The following RPH3A variants were observed in gnomAD, a reference collection of about 807,000 sequenced individuals.
RPH3A encodes rabphilin 3A, also known as rabphilin-3A.
Under a neutral mutation model 102.2 loss-of-function variants are expected in RPH3A, and 48 were observed. That is an observed-to-expected ratio of 0.47 (90% CI 0.37 to 0.60). RPH3A has a LOEUF of 0.60. RPH3A is among the 20% of genes least tolerant of loss of function. The pLI, the probability that RPH3A is intolerant of heterozygous loss-of-function variation, is 0.00. For missense variants in RPH3A, 781 were observed against 910.1 expected, an observed-to-expected ratio of 0.86 and a Z score of 1.83; for synonymous variants, 310 against 324.3, an observed-to-expected ratio of 0.96 and a Z score of 0.47.
chr12:112,848,418 C>T (rs1218982544), intron 5 of RPH3A, among the ~76,000 whole-genome samples: 1 of 152,180 alleles, frequency 6.6e-6, no homozygotes, highest in Admixed American at 6.5e-5. Flanking sequence ...CAGAGGTTAA[C>T]CTGATGGGTC....
In RPH3A at chr12:112,865,498, G is replaced by A; in HGVS notation, c.315G>A (p.Leu105=). ...VNRCILCGEQ[L]GMLGSACVVC... ...GCTGCATACTGTGTGGAGAACAGCT[G>A]GGGATGCTGGGCTCTGCCTGTGTAG... The change falls in exon 6 of 22, where the codon CTG becomes CTA. Residue 105 remains leucine (L), a synonymous_variant. Transcript: ENST00000389385. 2.5e-6 allele frequency: 4 copies of A among 1,614,050 alleles called. No individual in the cohort carries two copies. The highest frequency in any genetic ancestry group is 3.4e-6 in the Non-Finnish European group (4 of 1,180,006).
intron 1 of RPH3A, among the ~76,000 whole-genome samples, chr12:112,621,449 A>G (rs2039723694): frequency 1.3e-5 from 2 of 148,204 alleles, no homozygotes; most frequent in East Asian, 2.0e-4. Flanking sequence ...GGGGTGACGG[A>G]CGCACCTGGA....
chr12:112,633,699 T>C (rs1342695743), intron 1 of RPH3A, among the ~76,000 whole-genome samples: 1 of 152,250 alleles, frequency 6.6e-6, no homozygotes, highest in Non-Finnish European at 1.5e-5. Context: ...TATTCTGTTA[T>C]AAGCAACAGA....
At chr12:112,841,827 G>T in intron 4 of RPH3A, 2 of 424,498 alleles carry the variant, frequency 4.7e-6, no homozygotes, top group East Asian at 1.4e-4. Flanking sequence ...GTTTCTGAAA[G>T]TTCATCTTCT....
intron 1 of RPH3A, among the ~76,000 whole-genome samples, chr12:112,737,484 A>G (rs1466849437): frequency 1.3e-5 from 2 of 152,192 alleles, no homozygotes; most frequent in Admixed American, 1.3e-4. Flanking sequence ...CTTGAATGAT[A>G]GCTCCCAAAT....
intron 1 of RPH3A, among the ~76,000 whole-genome samples, chr12:112,730,382 T>C (rs1032492402): frequency 6.6e-6 from 1 of 152,238 alleles, no homozygotes; most frequent in Non-Finnish European, 1.5e-5. Context: ...TAGCCTCAGC[T>C]GCAGAAAGCC....
At chr12:112,671,649 A>G (rs2040130931) in intron 1 of RPH3A, among the ~76,000 whole-genome samples, 1 of 152,174 alleles carries the variant, frequency 6.6e-6, no homozygotes, top group African/African-American at 2.4e-5. Flanking sequence ...TATGTTCCCT[A>G]TTGTAATTTC....
intron 1 of RPH3A, among the ~76,000 whole-genome samples, chr12:112,782,932 G>A (rs1240172624): frequency 6.6e-6 from 1 of 152,168 alleles, no homozygotes; most frequent in Non-Finnish European, 1.5e-5. Context: ...AGTCTCATGG[G>A]TCACACAGTA....
At chr12:112,772,694 C>T (rs1422006614) in intron 1 of RPH3A, among the ~76,000 whole-genome samples, 1 of 151,806 alleles carries the variant, frequency 6.6e-6, no homozygotes, top group Non-Finnish European at 1.5e-5. Flanking sequence ...GGGCATCATT[C>T]TCTTAGGCTT....
chr12:112,632,064 G>A (rs2039810826), intron 1 of RPH3A, among the ~76,000 whole-genome samples: 1 of 152,128 alleles, frequency 6.6e-6, no homozygotes, highest in Admixed American at 6.5e-5. Flanking sequence ...TTCCTGCACT[G>A]TTCTTATGAT....
intron 1 of RPH3A, among the ~76,000 whole-genome samples, chr12:112,619,130 T>C (rs2039702308): frequency 6.6e-6 from 1 of 152,180 alleles, no homozygotes; most frequent in Admixed American, 6.5e-5. Flanking sequence ...TTGTTTCTAC[T>C]TTTTGGCTAT....
At chr12:112,615,144 T>G (rs1281701218) in intron 1 of RPH3A, among the ~76,000 whole-genome samples, 3 of 152,176 alleles carry the variant, frequency 2.0e-5, no homozygotes, top group African/African-American at 7.2e-5. Context: ...ATCTGGCACA[T>G]AGTAGGTGCT....
At chr12:112,685,542 G>T (rs1566258357) in intron 1 of RPH3A, among the ~76,000 whole-genome samples, 1 of 152,184 alleles carries the variant, frequency 6.6e-6, no homozygotes, top group Non-Finnish European at 1.5e-5. Flanking sequence ...TTCTGCACAT[G>T]TTATTATTCA....
chr12:112,723,003 ACTAT>A (rs756756919), intron 1 of RPH3A, among the ~76,000 whole-genome samples: 1 of 152,244 alleles, frequency 6.6e-6, no homozygotes, highest in Non-Finnish European at 1.5e-5. Context: ...TAAGAGAAGA[ACTAT>A]GAGGATCAGT....
chr12:112,866,969 T>C (rs2042622411), intron 7 of RPH3A, 129 bp downstream of exon 7: 3 of 650,456 alleles, frequency 4.6e-6, no homozygotes, highest in South Asian at 1.9e-5. Flanking sequence ...CCTCAGAGTA[T>C]TTGGATGAAT....
intron 1 of RPH3A, among the ~76,000 whole-genome samples, chr12:112,763,325 A>G (rs2040866978): frequency 6.6e-6 from 1 of 152,250 alleles, no homozygotes; most frequent in Admixed American, 6.5e-5. Flanking sequence ...ATGAGTGACC[A>G]ATGTCCCATG....
intron 16 of RPH3A, among the ~76,000 whole-genome samples, chr12:112,886,513 A>T (rs1036875820): frequency 9.9e-5 from 15 of 151,884 alleles, no homozygotes; most frequent in African/African-American, 3.6e-4. Context: ...CAGGAGGCGG[A>T]GCTGAAGTGG....
intron 19 of RPH3A, chr12:112,893,617 T>C (rs1356000670): frequency 6.6e-6 from 1 of 152,308 alleles, no homozygotes; most frequent in Non-Finnish European, 1.5e-5. Context: ...AGCCTCGAAC[T>C]CTGGGGCTCA....
rs565218135 is a variant in RPH3A at position 112,896,879 on chromosome 12, C to G, written c.*99C>G. 3.7e-5 allele frequency: 51 copies of G among 1,361,346 alleles called. No homozygotes were observed. Among genetic ancestry groups the G allele is most frequent in the Non-Finnish European group, 5.1e-5 (50 of 982,602 alleles). 84.3% of individuals were successfully genotyped at this position (1,361,346 alleles called of 1,614,324 possible). On this transcript the variant is annotated 3_prime_UTR_variant, in exon 22 of 22. Transcript: ENST00000389385. ...CTCTCTTCTCTATGCCTACCTCCCCCCATACCCTGCTGATCTCCCTGAGCC... is the reference window on the plus strand; with the variant it reads ...CTCTCTTCTCTATGCCTACCTCCCCGCATACCCTGCTGATCTCCCTGAGCC...
Sources: allele counts gnomAD v4.1 joint callset (sites outside exome capture counted in the v4.1 genomes callset), GRCh38; gene constraint gnomAD v4.1.1; transcripts MANE v1.5; gene names NCBI Gene and HGNC (gene_info 2026-07-23, HGNC 2026-07-21).